Variants in CDH13 observed in about 807,000 individuals in gnomAD.
CDH13 encodes cadherin 13, also known as cadherin-13.
Under a neutral mutation model 63.8 loss-of-function variants are expected in CDH13, and 24 were observed. The ratio of observed to expected loss-of-function variants is 0.38; its 90% confidence interval spans 0.27 to 0.53. The LOEUF is 0.53. CDH13 is among the 20% of genes least tolerant of loss of function. The probability of loss-of-function intolerance (pLI) is 0.85; values close to 1 mark genes in which losing one functional copy is unlikely to be tolerated. For synonymous variants in CDH13, 503 were observed against 355.3 expected (o/e 1.42, Z -4.67); for missense variants, 1,049 against 903.1 (o/e 1.16, Z -2.07).
At chr16:82,654,734 ATT>A (rs35891428) in intron 1 of CDH13, among the ~76,000 whole-genome samples, 1,805 of 148,620 alleles carry the variant, frequency 0.012, 27 homozygotes, top group African/African-American at 0.037. Flanking sequence ...TTAAATAAGG[ATT>A]TTTTTTTTTT....
At chr16:83,182,218 C>T (rs1051609298) in intron 4 of CDH13, among the ~76,000 whole-genome samples, 2 of 152,344 alleles carry the variant, frequency 1.3e-5, no homozygotes, top group East Asian at 1.9e-4. Context: ...TCACGCCTTA[C>T]ATCACCATAT....
At chr16:83,259,549 G>A (rs1338654256) in intron 5 of CDH13, among the ~76,000 whole-genome samples, 1 of 152,156 alleles carries the variant, frequency 6.6e-6, no homozygotes, top group Non-Finnish European at 1.5e-5. Context: ...AAAAGGAAAT[G>A]TGCGACATAG....
intron 2 of CDH13, among the ~76,000 whole-genome samples, chr16:82,876,545 A>T (rs899184034): frequency 6.6e-6 from 1 of 152,262 alleles, no homozygotes; most frequent in Non-Finnish European, 1.5e-5. Context: ...TGGAACAGGT[A>T]TAACATTACT....
intron 1 of CDH13, among the ~76,000 whole-genome samples, chr16:82,828,663 T>TGC (rs2038378629): frequency 8.0e-6 from 1 of 125,166 alleles, no homozygotes; most frequent in African/African-American, 2.7e-5. Context: ...TGTGTGTGTG[T>TGC]GTATATATAT....
chr16:82,885,034 G>T (rs1220212331), intron 2 of CDH13, among the ~76,000 whole-genome samples: 1 of 152,144 alleles, frequency 6.6e-6, no homozygotes, highest in African/African-American at 2.4e-5. Flanking sequence ...TTTGTGTTTT[G>T]GCTGTGTATT....
intron 6 of CDH13, among the ~76,000 whole-genome samples, chr16:83,447,587 G>A (rs1848167904): frequency 6.6e-6 from 1 of 152,042 alleles, no homozygotes; most frequent in South Asian, 2.1e-4. Context: ...TCTTTAGCAA[G>A]ATGAGTTTCA....
intron 1 of CDH13, among the ~76,000 whole-genome samples, chr16:82,857,070 G>T (rs1302011169): frequency 6.6e-6 from 1 of 152,162 alleles, no homozygotes; most frequent in Non-Finnish European, 1.5e-5. Flanking sequence ...AAAATGCAAA[G>T]TCCTGCACGT....
intron 1 of CDH13, among the ~76,000 whole-genome samples, chr16:82,682,808 C>T (rs1261733829): frequency 1.3e-5 from 2 of 152,190 alleles, no homozygotes; most frequent in Non-Finnish European, 2.9e-5. Flanking sequence ...GCCCTCTGCT[C>T]TTGTAATTTT....
chr16:82,951,381 G>T (rs1905273840), intron 2 of CDH13, among the ~76,000 whole-genome samples: 1 of 152,144 alleles, frequency 6.6e-6, no homozygotes, highest in Non-Finnish European at 1.5e-5. Context: ...TGAGCTGGAG[G>T]TATAGATACA....
At chr16:83,375,745 C>T (rs141837845) in intron 6 of CDH13, among the ~76,000 whole-genome samples, 1 of 152,120 alleles carries the variant, frequency 6.6e-6, no homozygotes, top group Non-Finnish European at 1.5e-5. Context: ...GGAACCCCTT[C>T]TGGATAGCAT....
intron 9 of CDH13, among the ~76,000 whole-genome samples, chr16:83,672,860 T>C (rs6563962): frequency 0.73 from 110,479 of 152,108 alleles, 40,341 homozygotes; most frequent in African/African-American, 0.75. Context: ...TGGAAAATTG[T>C]CTGACAGATT....
chr16:82,647,938 C>T (rs1052364666), intron 1 of CDH13, among the ~76,000 whole-genome samples: 1 of 152,168 alleles, frequency 6.6e-6, no homozygotes, highest in African/African-American at 2.4e-5. Context: ...AGCTTAGGGG[C>T]AGGTTTTCCC....
chr16:83,345,186 G>A (rs2090814134), intron 6 of CDH13, among the ~76,000 whole-genome samples, 180 bp downstream of exon 6: 2 of 152,226 alleles, frequency 1.3e-5, no homozygotes, highest in Non-Finnish European at 2.9e-5. Context: ...TGACCGAGGT[G>A]TTGCAAGCTA....
intron 10 of CDH13, among the ~76,000 whole-genome samples, chr16:83,741,065 G>C (rs1003978089): frequency 1.3e-5 from 2 of 152,190 alleles, no homozygotes; most frequent in Admixed American, 6.5e-5. Context: ...GGTTTCCTGG[G>C]ACAGGAAGAG....
chr16:83,231,015 T>A (rs2039986724), intron 5 of CDH13, among the ~76,000 whole-genome samples: 1 of 152,248 alleles, frequency 6.6e-6, no homozygotes, highest in South Asian at 2.1e-4. Flanking sequence ...GCCTTCATCT[T>A]CCTCGGGCTC....
chr16:82,871,077 C>T (rs2040327977), intron 2 of CDH13, among the ~76,000 whole-genome samples: 3 of 152,222 alleles, frequency 2.0e-5, no homozygotes. Context: ...GTTTTTGATG[C>T]TGTCTTGTTT....
intron 5 of CDH13, among the ~76,000 whole-genome samples, chr16:83,324,069 ACT>A (rs1467344202): frequency 2.2e-5 from 3 of 137,792 alleles, no homozygotes; most frequent in African/African-American, 8.1e-5. Flanking sequence ...GTGGAGTCTC[ACT>A]CTGTTACCCA....
At chr16:83,793,066 T>C (rs1288259530) in intron 13 of CDH13, among the ~76,000 whole-genome samples, 1 of 152,144 alleles carries the variant, frequency 6.6e-6, no homozygotes, top group African/African-American at 2.4e-5. Context: ...GAAAAATGAG[T>C]ACACAGCACA....
intron 1 of CDH13, among the ~76,000 whole-genome samples, chr16:82,798,369 C>T (rs572037008): frequency 6.6e-6 from 1 of 152,266 alleles, no homozygotes; most frequent in South Asian, 2.1e-4. Context: ...TATTCATGCA[C>T]CAGATGAAAG....
Sources: gnomAD v4.1 joint callset for allele counts (sites outside exome capture counted in the v4.1 genomes callset) on GRCh38, gnomAD v4.1.1 for gene constraint, MANE v1.5 for transcripts, NCBI Gene and HGNC (gene_info 2026-07-23, HGNC 2026-07-21) for gene names.